The following CD93 variants were observed in gnomAD, a reference collection of about 807,000 sequenced individuals.
CD93 encodes the protein CD93 molecule.
Under a neutral mutation model 45.5 loss-of-function variants are expected in CD93, and 44 were observed. The observed-to-expected ratio is 0.97, with a 90% confidence interval of 0.76 to 1.24. The LOEUF is 1.24. CD93 is among the 50% of genes most tolerant of loss of function. The pLI, the probability that CD93 is intolerant of heterozygous loss-of-function variation, is 0.00. For missense variants in CD93, 918 were observed against 844.5 expected, an observed-to-expected ratio of 1.09 and a Z score of -1.08; for synonymous variants, 431 against 370.8, an observed-to-expected ratio of 1.16 and a Z score of -1.87.
At position 23,085,611 on chromosome 20, in the gene CD93, C is replaced by T; in HGVS notation, c.582G>A (p.Gly194=). 3 of 1,613,422 alleles carry T rather than the reference C, an allele frequency of 1.9e-6. No individual in the cohort carries two copies. Among genetic ancestry groups the T allele is most frequent in the South Asian group, 1.1e-5 (1 of 91,076 alleles). ...TGGTGTAGGTCACCTGACCTGGGCC[C>T]CCCAGGGCCAGAGGCCGGCACATGC... ...FKGMCRPLAL[G]GPGQVTYTTP... is the part of the protein sequence containing the mutation. Residue 194 remains glycine, a synonymous_variant, in exon 1 of 2, where the codon GGG becomes GGA. Transcript: ENST00000246006.
In CD93 at chr20:23,083,825, T is replaced by TAGA; in HGVS notation, c.*124_*125insTCT. 2 of 890,342 alleles carry TAGA rather than the reference T, an allele frequency of 2.2e-6. No individual in the cohort carries two copies. The highest frequency in any genetic ancestry group is 3.8e-6 in the Non-Finnish European group (2 of 523,130). The allele number at this position is 890,342 out of a possible 1,614,324, so 55.2% of individuals were successfully genotyped here. A position where few individuals can be genotyped will look rare whatever the true frequency, so the allele number is the denominator to read the frequency against. On this transcript the variant is annotated 3_prime_UTR_variant, in exon 2 of 2. Coordinates refer to ENST00000246006, the MANE Select transcript of CD93 (RefSeq NM_012072.4). ...CCAAGGGGCCTTTAAGGAGGAGACT[T>TAGA]ACAATTGTTTGCTAAGATTCCAGTC... is the stretch of plus-strand genomic sequence containing the variant.
Position 23,085,775 on chromosome 20 carries a change from G to T in CD93, c.418C>A (p.Arg140Ser), listed in dbSNP as rs773997114. ...KELRNSCISK[R>S]CVSLLLDLSQ... ...AGGTCCAGCAGCAGAGACACACAGC[G>T]CTTGGAGATGCACGAGTTCCGGAGC... The change falls in exon 1 of 2, where the codon CGC becomes AGC. Residue 140 changes from arginine (R) to serine (S), a missense_variant. Transcript: ENST00000246006. 1 of 1,610,852 alleles carries T rather than the reference G, an allele frequency of 6.2e-7. No individual in the cohort carries two copies.
chr20:23,085,292 C>G lies in CD93; in HGVS notation c.901G>C (p.Ala301Pro). 1 of 1,613,992 alleles carries G rather than the reference C, an allele frequency of 6.2e-7. No homozygotes were observed. The highest frequency in any genetic ancestry group is 8.5e-7 in the Non-Finnish European group (1 of 1,180,034). The change falls in exon 1 of 2, where the codon GCC (alanine) becomes CCC (proline). Residue 301 changes from alanine to proline, a missense_variant. By Grantham distance (27) the Ala-to-Pro change is conservative. Transcript: ENST00000246006. ...CTGGAGCTGCAAGGGTTTCGAGAGG[C>G]ACAGGTCACCAGGTCATCCAGCAGC... is the stretch of plus-strand genomic sequence containing the variant. ...FRLLDDLVTC[A>P]SRNPCSSSPC...
chr20:23,084,721 C>T lies in CD93; in HGVS notation c.1472G>A (p.Gly491Glu). The change falls in exon 1 of 2, where the codon GGG becomes GAG. Residue 491 changes from glycine (G) to glutamate (E), a missense_variant. By Grantham distance (98) the Gly-to-Glu change is moderately conservative. Coordinates refer to ENST00000246006, the MANE Select transcript of CD93 (RefSeq NM_012072.4). ...PDEEDKGEKE[G>E]STVPRAATAS... ...TGTTGCAGCACGGGGCACGGTGCTC[C>T]CTTCTTTCTCTCCTTTGTCCTCCTC... 6.3e-7 allele frequency: 1 copy of T among 1,599,224 alleles called. No individual in the cohort carries two copies. Among genetic ancestry groups the T allele is most frequent in the Non-Finnish European group, 8.5e-7 (1 of 1,173,550 alleles).
At position 23,085,035 on chromosome 20, in the gene CD93, C is replaced by T. The variant is rs142949670; in HGVS notation, c.1158G>A (p.Val386=). 10 of 1,613,806 alleles carry T rather than the reference C, an allele frequency of 6.2e-6. No individual in the cohort carries two copies. In the African/African-American group the frequency reaches 1.2e-4, roughly 19 times the overall value. ...GGPGEGACQD[V]DECALGRSPC... ...GCGAGCGACCCAGAGCACACTCATC[C>T]ACATCCTGACAGGCCCCCTCTCCAG... Residue 386 remains valine, a synonymous_variant, in exon 1 of 2, where the codon GTG becomes GTA. Coordinates refer to ENST00000246006, the MANE Select transcript of CD93 (RefSeq NM_012072.4).
In CD93 at chr20:23,086,179, A is replaced by G. The variant is rs780778883; in HGVS notation, c.14T>C (p.Met5Thr). Residue 5 changes from methionine (M) to threonine (T), a missense_variant, in exon 1 of 2, where the codon ATG becomes ACG. Physicochemically the swap from Met to Thr is moderately conservative, Grantham distance 81. Transcript: ENST00000246006. ...CAGCAGCAGCAGCAGCAGCAGGCCC[A>G]TGGAGGTGGCCATCCCGGTCTCTGT... MATS[M>T]GLLLLLLLLL... 36 of 1,541,616 alleles carry G rather than the reference A, an allele frequency of 2.3e-5. No homozygotes were observed. Among genetic ancestry groups the G allele is most frequent in the Admixed American group, 5.8e-5 (3 of 52,034 alleles).
In CD93 at chr20:23,085,360, C is replaced by G. The variant is rs200571735; in HGVS notation, c.833G>C (p.Gly278Ala). Residue 278 changes from glycine (G) to alanine (A), a missense_variant, in exon 1 of 2, where the codon GGG becomes GCG. Gly to Ala is a moderately conservative substitution (Grantham distance 60). Transcript: ENST00000246006. ...GCCGCAGAGGAAGGAGCCATCCCCC[C>G]CTTCAAAGCAGTCCTGGTGGCAGCC... ...NGGCHQDCFE[G>A]GDGSFLCGCR... 1.0e-4 allele frequency: 164 copies of G among 1,614,048 alleles called. 1 individual carries two copies. Among genetic ancestry groups the G allele is most frequent in the East Asian group, 6.9e-4 (31 of 44,870 alleles).
In CD93 at chr20:23,085,291, G is replaced by T. The variant is rs1443764727; in HGVS notation, c.902C>A (p.Ala301Asp). ...GCTGGAGCTGCAAGGGTTTCGAGAG[G>T]CACAGGTCACCAGGTCATCCAGCAG... ...FRLLDDLVTC[A>D]SRNPCSSSPC... The change falls in exon 1 of 2, where the codon GCC becomes GAC. Residue 301 changes from alanine (A) to aspartate (D), a missense_variant. Coordinates refer to ENST00000246006, the MANE Select transcript of CD93 (RefSeq NM_012072.4). 3.7e-6 allele frequency: 6 copies of T among 1,613,864 alleles called. No homozygotes were observed. The highest frequency in any genetic ancestry group is 5.1e-6 in the Non-Finnish European group (6 of 1,180,036).
rs144280933 is a variant in CD93, at chr20:23,085,213, G to C, written c.980C>G (p.Thr327Arg). 4 of 1,603,634 alleles carry C rather than the reference G, an allele frequency of 2.5e-6. No individual in the cohort carries two copies. Among genetic ancestry groups the C allele is most frequent in the Non-Finnish European group, 3.4e-6 (4 of 1,174,532 alleles). The change falls in exon 1 of 2, where the codon ACG (threonine) becomes AGG (arginine). Residue 327 changes from threonine (T) to arginine (R), a missense_variant. Thr to Arg is a moderately conservative substitution (Grantham distance 71). Coordinates refer to ENST00000246006, the MANE Select transcript of CD93 (RefSeq NM_012072.4). ...CTGGTACCCTTGGGGGCAGCGGCAC[G>C]TGTAGTTTTTCCCATGGGGTCCCAG... ...CVLGPHGKNY[T>R]CRCPQGYQLD...
Position 23,084,022 on chromosome 20 carries a change from C to A in CD93, c.1935-48G>T, listed in dbSNP as rs1302067358. 4 of 1,608,312 alleles carry A rather than the reference C, an allele frequency of 2.5e-6. No homozygotes were observed. The Admixed American group carries it at 5.0e-5, about 20-fold the overall frequency. ...CGTTGGAAGCCATGGCGCCTCTGTG[C>A]CTGCACGTCCCCACCTTGGGAGAGA... On this transcript the variant is annotated intron_variant, in intron 1 of 1. Transcript: ENST00000246006.
At position 23,082,397 on chromosome 20, in the gene CD93, TCTC is replaced by T. The variant is rs1985347318; in HGVS notation, c.*1550_*1552del. 6.6e-6 allele frequency: 1 copy of T among 152,014 alleles called. No homozygotes were observed. The highest frequency in any genetic ancestry group is 1.5e-5 in the Non-Finnish European group (1 of 68,024). The allele number at this position is 152,014 out of a possible 1,614,324, so 9.4% of individuals were successfully genotyped here. A position where few individuals can be genotyped will look rare whatever the true frequency, so the allele number is the denominator to read the frequency against. ...AGGGAGACACATTTCCTCTGTCTGT[TCTC>T]CTGCACAGTGGTGGTAAAAAGCCCA... On this transcript the variant is annotated 3_prime_UTR_variant, in exon 2 of 2. Coordinates refer to ENST00000246006, the MANE Select transcript of CD93 (RefSeq NM_012072.4).
Position 23,084,293 on chromosome 20 carries a change from G to T in CD93, c.1900C>A (p.Arg634=). ...TTCTCCATGGCCCTGCTCTCAGCTC[G>T]CTCTGGAACCCAGGAGTAACTGTCT... The part of the protein sequence containing the change: ...AADSYSWVPE[R]AESRAMENQY... Residue 634 remains arginine (R), a synonymous_variant, in exon 1 of 2, where the codon CGA becomes AGA. Transcript: ENST00000246006. 6.2e-7 allele frequency: 1 copy of T among 1,614,006 alleles called. No individual in the cohort carries two copies. The highest frequency in any genetic ancestry group is 8.5e-7 in the Non-Finnish European group (1 of 1,180,008).
Position 23,085,430 on chromosome 20 carries a change from G to T in CD93, c.763C>A (p.Pro255Thr). Residue 255 changes from proline to threonine, a missense_variant, in exon 1 of 2, where the codon CCC (proline) becomes ACC (threonine). Pro to Thr is a conservative substitution (Grantham distance 38). Coordinates refer to ENST00000246006, the MANE Select transcript of CD93 (RefSeq NM_012072.4). ...CCATACTTGGGGCTGACACAGAGGG[G>T]GCCCGAGCTGCCCCAGTCGAACACA... ...PDVFDWGSSG[P>T]LCVSPKYGCN... 6.2e-7 allele frequency: 1 copy of T among 1,613,866 alleles called. No homozygotes were observed. The highest frequency in any genetic ancestry group is 8.5e-7 in the Non-Finnish European group (1 of 1,180,008).
Position 23,084,734 on chromosome 20 carries a change from C to T in CD93, c.1459G>A (p.Gly487Arg), listed in dbSNP as rs767372352. 6 of 1,605,928 alleles carry T rather than the reference C, an allele frequency of 3.7e-6. No individual in the cohort carries two copies. Among genetic ancestry groups the T allele is most frequent in the East Asian group, 2.2e-5 (1 of 44,800 alleles). ...PSGPPDEEDKGEKEGSTVPRA... is the reference protein window; with the variant it reads ...PSGPPDEEDKREKEGSTVPRA... ...GGCACGGTGCTCCCTTCTTTCTCTC[C>T]TTTGTCCTCCTCATCGGGGGGCCCA... is the stretch of plus-strand genomic sequence containing the variant. The change falls in exon 1 of 2, where the codon GGA becomes AGA. Residue 487 changes from glycine (G) to arginine (R), a missense_variant. By Grantham distance (125) the Gly-to-Arg change is moderately radical. Transcript: ENST00000246006.
At position 23,085,678 on chromosome 20, in the gene CD93, C is replaced by G. The variant is rs1481591015; in HGVS notation, c.515G>C (p.Gly172Ala). 6.2e-7 allele frequency: 1 copy of G among 1,610,718 alleles called. No individual in the cohort carries two copies. The highest frequency in any genetic ancestry group is 8.5e-7 in the Non-Finnish European group (1 of 1,179,214). ...GCACACGAAGCCCTCAATGTTACTT[C>G]CGGGGGAGCCTGGGCTCCCACAGGG... ...EGPCGSPGSPGSNIEGFVCKF... is the reference protein window; with the variant it reads ...EGPCGSPGSPASNIEGFVCKF... Residue 172 changes from glycine (G) to alanine (A), a missense_variant, in exon 1 of 2, where the codon GGA becomes GCA. Gly to Ala is a moderately conservative substitution (Grantham distance 60, BLOSUM62 0). Transcript: ENST00000246006.
At position 23,082,791 on chromosome 20, in the gene CD93, G is replaced by A. The variant is rs911549354; in HGVS notation, c.*1159C>T. On this transcript the variant is annotated 3_prime_UTR_variant, in exon 2 of 2. Transcript: ENST00000246006. ...AGAACAAAAGTTCCTTAAGCAAACT[G>A]CCTGACTAGCTCCCTACTTGGTGTG... is the stretch of plus-strand genomic sequence containing the variant. 5 of 152,544 alleles carry A rather than the reference G, an allele frequency of 3.3e-5. No individual in the cohort carries two copies. The highest frequency in any genetic ancestry group is 9.7e-5 in the African/African-American group (4 of 41,436). 9.4% of individuals were successfully genotyped at this position (152,544 alleles called of 1,614,324 possible).
At position 23,086,209 on chromosome 20, in the gene CD93, C is replaced by T; in HGVS notation, c.-17G>A. On this transcript the variant is annotated 5_prime_UTR_variant, in exon 1 of 2. Coordinates refer to ENST00000246006, the MANE Select transcript of CD93 (RefSeq NM_012072.4). ...GGTGGCCATCCCGGTCTCTGTGTGG[C>T]CCTCTGCGGGAGGCGAGAAGCCCAG... 1 of 1,497,486 alleles carries T rather than the reference C, an allele frequency of 6.7e-7. No homozygotes were observed. Among genetic ancestry groups the T allele is most frequent in the Non-Finnish European group, 8.9e-7 (1 of 1,125,994 alleles). The allele number at this position is 1,497,486 out of a possible 1,614,324, so 92.8% of individuals were successfully genotyped here.
rs3746732 is a variant in CD93, at chr20:23,084,705, A to G, written c.1488T>C (p.Arg496=). The G allele has an allele frequency of 0.75, 1,196,396 of 1,588,624 alleles. 451,273 individuals carry two copies. Among genetic ancestry groups the G allele is most frequent in the Admixed American group, 0.83 (47,063 of 56,716 alleles). ...CCCTTGTGGGACTGGCTGTTGCAGC[A>G]CGGGGCACGGTGCTCCCTTCTTTCT... ...KGEKEGSTVP[R]AATASPTRGP... is the part of the protein sequence containing the mutation. Residue 496 remains arginine (R), a synonymous_variant, in exon 1 of 2, where the codon CGT becomes CGC. Transcript: ENST00000246006.
Sources: gnomAD v4.1 joint callset for allele counts on GRCh38, gnomAD v4.1.1 for gene constraint, MANE v1.5 for transcripts, NCBI Gene and HGNC (gene_info 2026-07-23, HGNC 2026-07-21) for gene names.